The following SLC35F1 variants were observed in gnomAD, a reference collection of about 807,000 sequenced individuals.
SLC35F1 encodes chromosome 6 open reading frame 169.
Under a neutral mutation model 48.7 loss-of-function variants are expected in SLC35F1, and 14 were observed. The observed-to-expected ratio is 0.29, with a 90% CI of 0.19 to 0.45. The LOEUF is 0.45. SLC35F1 is among the 20% of genes least tolerant of loss of function. SLC35F1 has a pLI of 1.00. For missense variants in SLC35F1, 404 were observed against 500.0 expected (o/e 0.81, Z 1.83); for synonymous variants, 190 against 202.2 (o/e 0.94, Z 0.51).
intron 1 of SLC35F1, among the ~76,000 whole-genome samples, chr6:118,086,785 C>T (rs1278941383): frequency 1.3e-5 from 2 of 151,980 alleles, no homozygotes; most frequent in Admixed American, 6.6e-5. Flanking sequence ...GTCTGTCCTT[C>T]TCTCCTCATT....
intron 6 of SLC35F1, among the ~76,000 whole-genome samples, chr6:118,280,762 C>T (rs555292578): frequency 1.7e-4 from 26 of 151,932 alleles, no homozygotes; most frequent in South Asian, 1.5e-3. Flanking sequence ...CCTGTAGTCC[C>T]AGCTACTCAG....
chr6:118,239,242 C>A (rs558437855), intron 3 of SLC35F1, among the ~76,000 whole-genome samples: 1 of 148,788 alleles, frequency 6.7e-6, no homozygotes, highest in Non-Finnish European at 1.5e-5. Flanking sequence ...CCAGCACATA[C>A]TAGATACTAA....
intron 1 of SLC35F1, among the ~76,000 whole-genome samples, chr6:118,054,803 G>T (rs138647220): frequency 1.9e-4 from 29 of 151,760 alleles, no homozygotes; most frequent in Admixed American, 1.6e-3. Context: ...TTTTGACACG[G>T]AGTCTCGCTG....
chr6:117,948,245 C>CA (rs1776319362), intron 1 of SLC35F1, among the ~76,000 whole-genome samples: 1 of 152,096 alleles, frequency 6.6e-6, no homozygotes, highest in African/African-American at 2.4e-5. Context: ...AATACCACTT[C>CA]ATTTTTTTTA....
In SLC35F1 at chr6:117,923,843, T is replaced by C. The variant is rs181233194; in HGVS notation, c.173+15944T>C. ...TGTATATATACATATACACATTACA[T>C]ATATGCACATATATATGTGTGTACA... is the stretch of plus-strand genomic sequence containing the variant. On this transcript the variant is annotated intron_variant, in intron 1 of 7. Coordinates refer to ENST00000360388, the MANE Select transcript of SLC35F1 (RefSeq NM_001029858.4). Among the ~76,000 whole-genome samples, 41 of 95,088 alleles carry C rather than the reference T, an allele frequency of 4.3e-4. 1 individual carries two copies. In the East Asian group the frequency reaches 9.6e-3, roughly 22 times the overall value. The allele number at this position is 95,088 out of a possible 152,430, so 62.4% of individuals were successfully genotyped here.
chr6:117,998,802 A>C (rs1441560926), intron 1 of SLC35F1, among the ~76,000 whole-genome samples: 1 of 152,258 alleles, frequency 6.6e-6, no homozygotes, highest in Non-Finnish European at 1.5e-5. Flanking sequence ...TTATAGCACT[A>C]TATGCCCACA....
chr6:118,306,398 A>G (rs1006982249), intron 7 of SLC35F1, among the ~76,000 whole-genome samples: 1 of 152,194 alleles, frequency 6.6e-6, no homozygotes, highest in Non-Finnish European at 1.5e-5. Context: ...GGATCTGTTG[A>G]GCTGCTACAC....
intron 1 of SLC35F1, among the ~76,000 whole-genome samples, chr6:117,942,742 C>A (rs1387852579): frequency 1.3e-5 from 2 of 152,148 alleles, no homozygotes; most frequent in African/African-American, 4.8e-5. Context: ...CAGTGGTTAG[C>A]CACTGCCAAT....
intron 1 of SLC35F1, among the ~76,000 whole-genome samples, chr6:118,010,007 G>A (rs1777224018): frequency 6.6e-6 from 1 of 152,112 alleles, no homozygotes; most frequent in Non-Finnish European, 1.5e-5. Flanking sequence ...GTTAACCTCT[G>A]AAGATAGAAA....
chr6:117,923,608 C>CATATGTATACATATATGTACAT (rs1554216654), intron 1 of SLC35F1, among the ~76,000 whole-genome samples: 1 of 26,076 alleles, frequency 3.8e-5, no homozygotes, highest in Non-Finnish European at 6.5e-5. Context: ...TGTATATATA[C>CATATGTATACATATATGTACAT]ATATACATAT....
At chr6:118,277,419 G>A in intron 5 of SLC35F1, 75 bp from the exon 6 acceptor site, 1 of 1,307,432 alleles carries the variant, frequency 7.6e-7, no homozygotes, top group Non-Finnish European at 1.1e-6. Flanking sequence ...TGATAAGTGG[G>A]GGGGAAAAAA....
chr6:118,036,210 T>C (rs1288856741), intron 1 of SLC35F1, among the ~76,000 whole-genome samples: 1 of 152,166 alleles, frequency 6.6e-6, no homozygotes, highest in Non-Finnish European at 1.5e-5. Context: ...ATCCCACAAA[T>C]TTTGATATGT....
intron 1 of SLC35F1, among the ~76,000 whole-genome samples, chr6:118,028,607 G>A (rs9398477): frequency 0.23 from 34,750 of 151,938 alleles, 4,151 homozygotes; most frequent in East Asian, 0.33. Flanking sequence ...AAGGATGGGG[G>A]AGGATCCACA....
intron 1 of SLC35F1, among the ~76,000 whole-genome samples, chr6:117,916,882 T>A (rs1775832851): frequency 6.6e-6 from 1 of 152,152 alleles, no homozygotes; most frequent in South Asian, 2.1e-4. Flanking sequence ...TAACAAAGAA[T>A]TACTGAGTCA....
intron 1 of SLC35F1, among the ~76,000 whole-genome samples, chr6:118,083,073 G>T (rs1026127095): frequency 2.0e-5 from 3 of 152,176 alleles, no homozygotes; most frequent in African/African-American, 7.2e-5. Context: ...GAATGATTTT[G>T]CTTTGTCTGC....
chr6:118,149,987 C>G (rs940535759), intron 1 of SLC35F1, among the ~76,000 whole-genome samples: 2 of 152,062 alleles, frequency 1.3e-5, no homozygotes, highest in African/African-American at 2.4e-5. Flanking sequence ...ATATTTTTGC[C>G]ACCAAAATAG....
At chr6:117,960,073 C>G (rs1157261383) in intron 1 of SLC35F1, among the ~76,000 whole-genome samples, 4 of 151,862 alleles carry the variant, frequency 2.6e-5, no homozygotes, top group Non-Finnish European at 5.9e-5. Context: ...TTACTAAGCC[C>G]CTATTGATTG....
At chr6:118,070,956 C>CTATATATACATAGTATATATATAA (rs1314773545) in intron 1 of SLC35F1, among the ~76,000 whole-genome samples, 44 of 25,742 alleles carry the variant, frequency 1.7e-3, no homozygotes, top group African/African-American at 6.8e-3. Context: ...TATATATATA[C>CTATATATACATAGTATATATATAA]TGTGTATATA....
At chr6:118,303,583 T>G (rs1305963341) in intron 7 of SLC35F1, among the ~76,000 whole-genome samples, 1 of 152,172 alleles carries the variant, frequency 6.6e-6, no homozygotes, top group Non-Finnish European at 1.5e-5. Context: ...CATGGTACTC[T>G]ATGCTTATCG....
Sources: gnomAD v4.1 joint callset for allele counts (sites outside exome capture counted in the v4.1 genomes callset) on GRCh38, gnomAD v4.1.1 for gene constraint, MANE v1.5 for transcripts, NCBI Gene and HGNC (gene_info 2026-07-23, HGNC 2026-07-21) for gene names.